Variants in COL4A4 observed in about 807,000 individuals in gnomAD.
COL4A4 encodes collagen alpha-4(IV) chain.
A neutral mutation model predicts 192.9 loss-of-function variants in COL4A4; 105 were observed. The observed-to-expected ratio is 0.54, with a 90% confidence interval of 0.46 to 0.64. The LOEUF is 0.64. Ranked by LOEUF, COL4A4 falls within the 30% of genes least tolerant of loss-of-function variation. COL4A4 has a pLI of 0.00. For synonymous variants in COL4A4, 762 were observed against 769.9 expected (o/e 0.99, Z 0.17); for missense variants, 1,967 against 2,169.3 (o/e 0.91, Z 1.85).
intron 44 of COL4A4, among the ~76,000 whole-genome samples, chr2:227,015,422 G>A (rs570443957): frequency 2.0e-5 from 3 of 149,216 alleles, no homozygotes; most frequent in African/African-American, 7.7e-5. Context: ...AATCAGGTCT[G>A]GGGGGGACCT....
chr2:227,122,108 A>C (rs1460458507), intron 4 of COL4A4, among the ~76,000 whole-genome samples: 1 of 152,180 alleles, frequency 6.6e-6, no homozygotes, highest in African/African-American at 2.4e-5. Flanking sequence ...TCTTGTTTTA[A>C]GTGAAGAAGC....
intron 44 of COL4A4, among the ~76,000 whole-genome samples, chr2:227,018,648 T>G (rs1198701682): frequency 6.6e-6 from 1 of 152,100 alleles, no homozygotes; most frequent in Non-Finnish European, 1.5e-5. Context: ...AGGCGATGCT[T>G]CACCAGAACG....
At chr2:226,988,329 C>T in the COL4A4 span, 29 of 1,548,630 alleles carry the variant, frequency 1.9e-5, no homozygotes, top group African/African-American at 2.7e-5. Context: ...TGAACATCTG[C>T]AGGAAAACCA....
rs1170373637 is a variant in COL4A4, at chr2:227,082,631, G to C, written c.1624-444C>G. Reference sequence around the variant, plus strand: ...TATCATGGGCTTTGTAATGTGAAATGGAGAGGAAAGAAGAGAGTGGGATAA... The same window carrying C: ...TATCATGGGCTTTGTAATGTGAAATCGAGAGGAAAGAAGAGAGTGGGATAA... On this transcript the variant is annotated intron_variant, in intron 22 of 47. Transcript: ENST00000396625. Among the ~76,000 whole-genome samples the C allele has an allele frequency of 1.3e-5, 2 of 152,142 alleles. 1 individual carries two copies. Among genetic ancestry groups the C allele is most frequent in the African/African-American group, 4.8e-5 (2 of 41,412 alleles).
At chr2:227,064,938 C>T (rs1430772084) in intron 25 of COL4A4, among the ~76,000 whole-genome samples, 2 of 152,076 alleles carry the variant, frequency 1.3e-5, no homozygotes, top group Non-Finnish European at 2.9e-5. Flanking sequence ...GCGCGCGACG[C>T]AGAAGACGGG....
chr2:227,059,159 G>A (rs569312690), intron 28 of COL4A4, among the ~76,000 whole-genome samples: 1 of 152,316 alleles, frequency 6.6e-6, no homozygotes, highest in African/African-American at 2.4e-5. Context: ...ACTAGCTGCG[G>A]AATCAAATTG....
chr2:227,101,366 A>AT (rs1338078127), intron 17 of COL4A4, 138 bp downstream of exon 17: 3 of 735,814 alleles, frequency 4.1e-6, no homozygotes, highest in Non-Finnish European at 6.7e-6. Flanking sequence ...TAATGTAACA[A>AT]TTGAATAAAA....
At chr2:227,160,410 G>A (rs549788928) in intron 1 of COL4A4, among the ~76,000 whole-genome samples, 12 of 152,128 alleles carry the variant, frequency 7.9e-5, no homozygotes, top group African/African-American at 2.2e-4. Context: ...AGTAGAAGTA[G>A]CCTGTGTCAC....
At position 227,072,095 on chromosome 2, in the gene COL4A4, T is replaced by C. The variant is rs554792135; in HGVS notation, c.1987+5799A>G. ...CAAAAAAATATGAAAAATTAATGAA[T>C]AAAAAGCTAGTTAAAAAGCCGTTTC... On this transcript the variant is annotated intron_variant, in intron 25 of 47. Transcript: ENST00000396625. 1.7e-4 allele frequency among the ~76,000 whole-genome samples: 26 copies of C among 151,044 alleles called. No individual in the cohort carries two copies. The South Asian group carries it at 5.0e-3, about 29-fold the overall frequency.
the COL4A4 span, among the ~76,000 whole-genome samples, chr2:226,978,460 G>C: frequency 3.1e-4 from 47 of 152,250 alleles, no homozygotes; most frequent in Admixed American, 1.2e-3. Flanking sequence ...TGGACATATG[G>C]ACCATACCGT....
Position 227,091,303 on chromosome 2 carries a change from A to G in COL4A4, c.1370-1346T>C, listed in dbSNP as rs532896945. Among the ~76,000 whole-genome samples the G allele has an allele frequency of 2.0e-3, 269 of 134,220 alleles. 1 individual carries two copies. Among genetic ancestry groups the G allele is most frequent in the African/African-American group, 5.2e-3 (181 of 34,776 alleles). 88.1% of individuals were successfully genotyped at this position (134,220 alleles called of 152,430 possible). A position where few individuals can be genotyped will look rare whatever the true frequency, so the allele number is the denominator to read the frequency against. ...AGATATAGATATAGATATAGATATA[A>G]ATAGATCATGAGAGCAGAAATTTAA... On this transcript the variant is annotated intron_variant, in intron 20 of 47. Transcript: ENST00000396625.
Position 227,052,365 on chromosome 2 carries a change from G to C in COL4A4, c.2908C>G (p.Gln970Glu), listed in dbSNP as rs372413045. 27 of 1,613,272 alleles carry C rather than the reference G, an allele frequency of 1.7e-5. No individual in the cohort carries two copies. The highest frequency in any genetic ancestry group is 2.0e-5 in the Non-Finnish European group (23 of 1,179,434). Residue 970 changes from glutamine to glutamate, a missense_variant, in exon 32 of 48, where the codon CAA becomes GAA. Physicochemically the swap from Gln to Glu is conservative, Grantham distance 29. Coordinates refer to ENST00000396625, the MANE Select transcript of COL4A4 (RefSeq NM_000092.5). ...CCAGGTTCCCCAGGTGTTCCCTTTT[G>C]TGAAATGATAGCCATTTCTCCTTCA... ...GDEGEMAIIS[Q>E]KGTPGEPGPP...
intron 17 of COL4A4, among the ~76,000 whole-genome samples, chr2:227,100,696 GC>G (rs1265114545): frequency 6.6e-6 from 1 of 152,090 alleles, no homozygotes; most frequent in East Asian, 1.9e-4. Flanking sequence ...GTTTGGCTGT[GC>G]CCCCAGCTAA....
intron 35 of COL4A4, among the ~76,000 whole-genome samples, chr2:227,044,497 C>T (rs1972043843): frequency 6.6e-6 from 1 of 152,106 alleles, no homozygotes; most frequent in African/African-American, 2.4e-5. Flanking sequence ...TTAGTCTGTA[C>T]CTGTTCCCTG....
chr2:227,075,023 C>A (rs1462754850), intron 25 of COL4A4, among the ~76,000 whole-genome samples: 1 of 152,010 alleles, frequency 6.6e-6, no homozygotes, highest in African/African-American at 2.4e-5. Flanking sequence ...AGCCTACCAA[C>A]CAAAAAAAGC....
intron 25 of COL4A4, among the ~76,000 whole-genome samples, chr2:227,068,638 G>T (rs2058506615): frequency 6.6e-6 from 1 of 152,052 alleles, no homozygotes; most frequent in South Asian, 2.1e-4. Flanking sequence ...CTCAATAGAT[G>T]CAGAAAAGGC....
chr2:227,139,678 C>G (rs1463356123), intron 4 of COL4A4, among the ~76,000 whole-genome samples: 1 of 152,204 alleles, frequency 6.6e-6, no homozygotes, highest in Non-Finnish European at 1.5e-5. Context: ...ACTCATAGAA[C>G]AGTGCCTGGC....
Position 227,008,222 on chromosome 2 carries a change from CTG to C in COL4A4, c.4603_4604del (p.Gln1535GlufsTer21), listed in dbSNP as rs1962628992. On this transcript the variant is annotated frameshift_variant, in exon 47 of 48. Transcript: ENST00000396625. LOFTEE classifies it high-confidence loss of function. Reference sequence around the variant, plus strand: ...CCAGCCAGTAGGATCTGTCGTTTCTCTGGGCATAGTGGCACACCTGGTGGATG... The same window carrying C: ...CCAGCCAGTAGGATCTGTCGTTTCTCGGCATAGTGGCACACCTGGTGGATG... Reference protein sequence around the residue: ...CNIHQVCHYAQRNDRSYWLAS... With the variant: ...CNIHQVCHYAXRNDRSYWLAS... 1 of 1,614,212 alleles carries C rather than the reference CTG, an allele frequency of 6.2e-7. No homozygotes were observed. Among genetic ancestry groups the C allele is most frequent in the Non-Finnish European group, 8.5e-7 (1 of 1,180,032 alleles).
chr2:227,089,718 G>A lies in COL4A4; in HGVS notation c.1459+150C>T, dbSNP rs559817245. Reference sequence around the variant, plus strand: ...CAAGGCTTTGACTTTTCAGTGACTTGTAATCACATAGCACTTAATGGAGTA... The same window carrying A: ...CAAGGCTTTGACTTTTCAGTGACTTATAATCACATAGCACTTAATGGAGTA... On this transcript the variant is annotated intron_variant, in intron 21 of 47. Transcript: ENST00000396625. 4.7e-5 allele frequency: 32 copies of A among 677,916 alleles called. No individual in the cohort carries two copies. In the South Asian group the frequency reaches 5.0e-4, roughly 11 times the overall value. 42.0% of individuals were successfully genotyped at this position (677,916 alleles called of 1,614,324 possible).
Sources: gnomAD v4.1 joint callset for allele counts (sites outside exome capture counted in the v4.1 genomes callset) on GRCh38, gnomAD v4.1.1 for gene constraint, MANE v1.5 for transcripts, NCBI Gene and HGNC (gene_info 2026-07-23, HGNC 2026-07-21) for gene names.